Variants in GSTZ1 observed in about 807,000 individuals in gnomAD.
The protein encoded by GSTZ1 is glutathione S-transferase zeta 1.
GSTZ1 carries 34 observed loss-of-function variants against 35.9 expected under a neutral mutation model. The ratio of observed to expected loss-of-function variants is 0.95; its 90% CI spans 0.72 to 1.26. The LOEUF is 1.26. Among genes scored for constraint, GSTZ1 ranks in the 50% most tolerant of loss-of-function variants. The probability of loss-of-function intolerance (pLI) is 0.00; values close to 1 mark genes in which losing one functional copy is unlikely to be tolerated. For missense variants in GSTZ1, 263 were observed against 271.7 expected (o/e 0.97, Z 0.23); for synonymous variants, 93 against 101.2 (o/e 0.92, Z 0.49).
In GSTZ1 at chr14:77,331,458, C is replaced by T. The variant is rs967188711; in HGVS notation, c.*263C>T. On this transcript the variant is annotated 3_prime_UTR_variant, in exon 9 of 9. Coordinates refer to ENST00000216465, the MANE Select transcript of GSTZ1 (RefSeq NM_145870.3). ...CAGTCGTGAGGCTGAGATGAGAATGCGGATTAAAATGCCTGGCGTGCTCAC... is the reference window on the plus strand; with the variant it reads ...CAGTCGTGAGGCTGAGATGAGAATGTGGATTAAAATGCCTGGCGTGCTCAC... 4 of 407,996 alleles carry T rather than the reference C, an allele frequency of 9.8e-6. No homozygotes were observed. Among genetic ancestry groups the T allele is most frequent in the African/African-American group, 3.9e-5 (2 of 50,656 alleles). The allele number at this position is 407,996 out of a possible 1,614,324, so 25.3% of individuals were successfully genotyped here. A position where few individuals can be genotyped will look rare whatever the true frequency, so the allele number is the denominator to read the frequency against.
Position 77,327,954 on chromosome 14 carries a change from C to A in GSTZ1, c.259C>A (p.Arg87=), listed in dbSNP as rs747265163. The A allele has an allele frequency of 6.2e-7, 1 of 1,613,862 alleles. No homozygotes were observed. Among genetic ancestry groups the A allele is most frequent in the South Asian group, 1.1e-5 (1 of 91,068 alleles). Residue 87 remains arginine, a synonymous_variant, in exon 5 of 9, where the codon CGA becomes AGA. Transcript: ENST00000216465. The stretch of plus-strand genomic sequence containing the variant: ...TCTAGAGGAGATGCGTCCCACTCCG[C>A]GACTTCTGCCTCAGGACCCAAAGAA... ...EYLEEMRPTP[R]LLPQDPKKRA...
At chr14:77,321,314 G>A (rs1441096808) in intron 1 of GSTZ1, 131 bp downstream of exon 1, 1 of 1,529,106 alleles carries the variant, frequency 6.5e-7, no homozygotes, top group Non-Finnish European at 8.8e-7. Context: ...TTTGCGCCGG[G>A]CACGCTCTGC....
In GSTZ1 at chr14:77,329,849, T is replaced by TGCCTCCCTCATGCTG. The variant is rs776863838; in HGVS notation, c.474+43_474+57dup. 4.1e-6 allele frequency: 6 copies of TGCCTCCCTCATGCTG among 1,476,272 alleles called. No individual in the cohort carries two copies. In the East Asian group the frequency reaches 9.1e-5, roughly 22 times the overall value. The allele number at this position is 1,476,272 out of a possible 1,614,324, so 91.4% of individuals were successfully genotyped here. On this transcript the variant is annotated intron_variant, in intron 7 of 8. Coordinates refer to ENST00000216465, the MANE Select transcript of GSTZ1 (RefSeq NM_145870.3). ...CCTCCCCAGGCCCAGCCACAGTGGCTGCCTCCCTCATGCTGACCTCCCTCA... is the reference window on the plus strand; with the variant it reads ...CCTCCCCAGGCCCAGCCACAGTGGCTGCCTCCCTCATGCTGGCCTCCCTCATGCTGACCTCCCTCA...
chr14:77,329,677 C>A, intron 6 of GSTZ1, 78 bp from the exon 7 acceptor site: 1 of 1,137,166 alleles, frequency 8.8e-7, no homozygotes, highest in Non-Finnish European at 1.3e-6. Flanking sequence ...CATTTCATAA[C>A]TATGGAGGCC....
intron 4 of GSTZ1, 43 bp downstream of exon 4, chr14:77,327,595 C>T (rs1215525941): frequency 7.7e-7 from 1 of 1,300,186 alleles, no homozygotes; most frequent in African/African-American, 1.4e-5. Context: ...AGAGCAGTGC[C>T]CTGAATGAGA....
Position 77,330,295 on chromosome 14 carries a change from C to T in GSTZ1, c.475-15C>T, listed in dbSNP as rs368793654. 58 of 1,608,674 alleles carry T rather than the reference C, an allele frequency of 3.6e-5. No individual in the cohort carries two copies. In the Admixed American group the frequency reaches 3.7e-4, roughly 10 times the overall value. On this transcript the variant is annotated splice_polypyrimidine_tract_variant and intron_variant, in intron 7 of 8. Coordinates refer to ENST00000216465, the MANE Select transcript of GSTZ1 (RefSeq NM_145870.3). ...GGTATGCACCCTGATGGGAACCCAC[C>T]GGGACCTCTTTCAGGTGACCATGGC...
At chr14:77,329,055 G>C in intron 5 of GSTZ1, 68 bp from the exon 6 acceptor site, 3 of 1,078,918 alleles carry the variant, frequency 2.8e-6, no homozygotes, top group South Asian at 2.5e-5. Context: ...TTCCCTGAGG[G>C]GGTTTGGCGA....
chr14:77,331,402 G>A lies in GSTZ1; in HGVS notation c.*207G>A, dbSNP rs1892622741. The A allele has an allele frequency of 1.8e-6, 1 of 564,650 alleles. No homozygotes were observed. The allele number at this position is 564,650 out of a possible 1,614,324, so 35.0% of individuals were successfully genotyped here. A position where few individuals can be genotyped will look rare whatever the true frequency, so the allele number is the denominator to read the frequency against. ...AGTAGGGAGATGCGGGGAGCAGGGT[G>A]GGCAGGAATACTGTTATCTATGTGA... On this transcript the variant is annotated 3_prime_UTR_variant, in exon 9 of 9. Coordinates refer to ENST00000216465, the MANE Select transcript of GSTZ1 (RefSeq NM_145870.3).
At position 77,321,121 on chromosome 14, in the gene GSTZ1, A is replaced by T; in HGVS notation, c.-48A>T. The T allele has an allele frequency of 6.9e-7, 1 of 1,443,076 alleles. No homozygotes were observed. The allele number at this position is 1,443,076 out of a possible 1,614,324, so 89.4% of individuals were successfully genotyped here. A position where few individuals can be genotyped will look rare whatever the true frequency, so the allele number is the denominator to read the frequency against. ...TGAGCCTTAGTCGTCGGCAGGTCCC[A>T]GGCGCGAAGTTTCTCGGCCTGGAGG... On this transcript the variant is annotated 5_prime_UTR_variant, in exon 1 of 9. Transcript: ENST00000216465.
At chr14:77,321,239 G>A (rs1891925991) in intron 1 of GSTZ1, 56 bp downstream of exon 1, 1 of 1,535,384 alleles carries the variant, frequency 6.5e-7, no homozygotes. Context: ...GAGACCCTGG[G>A]GGGCGGGGTC....
In GSTZ1 at chr14:77,331,392, G is replaced by T. The variant is rs193058583; in HGVS notation, c.*197G>T. 269 of 584,368 alleles carry T rather than the reference G, an allele frequency of 4.6e-4. 1 individual carries two copies. Among genetic ancestry groups the T allele is most frequent in the Admixed American group, 1.6e-3 (51 of 32,826 alleles). The allele number at this position is 584,368 out of a possible 1,614,324, so 36.2% of individuals were successfully genotyped here. On this transcript the variant is annotated 3_prime_UTR_variant, in exon 9 of 9. Coordinates refer to ENST00000216465, the MANE Select transcript of GSTZ1 (RefSeq NM_145870.3). ...TGTGGGGTGGAGTAGGGAGATGCGG[G>T]GAGCAGGGTGGGCAGGAATACTGTT...
intron 2 of GSTZ1, 136 bp from the exon 3 acceptor site, chr14:77,326,702 C>G (rs1892331190): frequency 1.6e-6 from 1 of 628,264 alleles, no homozygotes; most frequent in Non-Finnish European, 2.9e-6. Flanking sequence ...GATAGTGCCA[C>G]GGTGAGCCTT....
chr14:77,321,937 G>T (rs1892028938), intron 1 of GSTZ1, among the ~76,000 whole-genome samples: 1 of 151,832 alleles, frequency 6.6e-6, no homozygotes, highest in Non-Finnish European at 1.5e-5. Flanking sequence ...CAATCACCTG[G>T]GGAGCTTCAC....
In GSTZ1 at chr14:77,326,838, C is replaced by T. The variant is rs1892341133; in HGVS notation, c.68C>T (p.Ala23Val). ...RSSCSWRVRI[A>V]LALKGIDYET... is the part of the protein sequence containing the mutation. ...CTCCGCTATGTGCGGTCTCTCCTAG[C>T]TCTGGCCTTGAAAGGCATCGACTAC... Residue 23 changes from alanine (A) to valine (V), a missense_variant and splice_region_variant, in exon 3 of 9, where the codon GCT becomes GTT. Transcript: ENST00000216465. 5 of 1,602,144 alleles carry T rather than the reference C, an allele frequency of 3.1e-6. No individual in the cohort carries two copies. The African/African-American group carries it at 5.3e-5, about 17-fold the overall frequency.
At chr14:77,331,023 C>G (rs768860768) in intron 8 of GSTZ1, 46 bp from the exon 9 acceptor site, 1 of 1,591,124 alleles carries the variant, frequency 6.3e-7, no homozygotes, top group Non-Finnish European at 8.6e-7. Flanking sequence ...GGCAGTCTCC[C>G]TGTGTCCCTG....
Position 77,329,778 on chromosome 14 carries a change from A to T in GSTZ1, c.445A>T (p.Thr149Ser). 1 of 1,613,966 alleles carries T rather than the reference A, an allele frequency of 6.2e-7. No homozygotes were observed. The highest frequency in any genetic ancestry group is 8.5e-7 in the Non-Finnish European group (1 of 1,179,800). Residue 149 changes from threonine (T) to serine (S), a missense_variant, in exon 7 of 9, where the codon ACA (threonine) becomes TCA (serine). Coordinates refer to ENST00000216465, the MANE Select transcript of GSTZ1 (RefSeq NM_145870.3). ...FNALEQILQS[T>S]AGIYCVGDEV... ...AGCCCTGGAGCAGATCCTACAGAGC[A>T]CAGCGGGCATATACTGTGTAGGAGA...
intron 1 of GSTZ1, chr14:77,322,422 G>A: frequency 5.5e-6 from 1 of 183,200 alleles, no homozygotes; most frequent in Non-Finnish European, 1.0e-5. Context: ...ACGGAGGGCA[G>A]CAGCATTTAC....
At chr14:77,329,710 C>T (rs892228493) in intron 6 of GSTZ1, 45 bp from the exon 7 acceptor site, 2 of 1,508,824 alleles carry the variant, frequency 1.3e-6, no homozygotes, top group Non-Finnish European at 1.8e-6. Flanking sequence ...GCTTTGTGTC[C>T]CCTCCCTGCG....
At chr14:77,327,303 TGGGAGACTGCATGGATCCCCCAGGGATTA>T (rs1892369723) in intron 3 of GSTZ1, 140 bp from the exon 4 acceptor site, 2 of 624,516 alleles carry the variant, frequency 3.2e-6, no homozygotes, top group Admixed American at 2.8e-5. Context: ...AGCTGGGCTT[TGGGAGACTGCATGGATCCCCCAGGGATTA>T]CCCTGGGCCT....
Sources: gnomAD v4.1 joint callset for allele counts (sites outside exome capture counted in the v4.1 genomes callset) on GRCh38, gnomAD v4.1.1 for gene constraint, MANE v1.5 for transcripts, NCBI Gene and HGNC (gene_info 2026-07-23, HGNC 2026-07-21) for gene names.